The following ZDHHC2 variants were observed in gnomAD, a reference collection of about 807,000 sequenced individuals.
ZDHHC2 encodes palmitoyltransferase ZDHHC2.
A neutral mutation model predicts 55.6 loss-of-function variants in ZDHHC2; 51 were observed. The observed-to-expected ratio is 0.92, with a 90% CI of 0.73 to 1.16. The LOEUF is 1.16. Among genes scored for constraint, ZDHHC2 ranks in the 50% most tolerant of loss-of-function variants. ZDHHC2 has a pLI of 0.00. For synonymous variants in ZDHHC2, 199 were observed against 152.9 expected (o/e 1.30, Z -2.22); for missense variants, 491 against 442.4 (o/e 1.11, Z -0.99).
intron 3 of ZDHHC2, among the ~76,000 whole-genome samples, chr8:17,189,762 C>T (rs1321759250): frequency 1.3e-5 from 2 of 152,172 alleles, no homozygotes; most frequent in Non-Finnish European, 2.9e-5. Context: ...AAGGAGCAGT[C>T]AAATCGATGA....
In ZDHHC2 at chr8:17,210,458, G is replaced by T; in HGVS notation, c.928G>T (p.Gly310Trp). 1.2e-6 allele frequency: 2 copies of T among 1,610,668 alleles called. No individual in the cohort carries two copies. Among genetic ancestry groups the T allele is most frequent in the Non-Finnish European group, 1.7e-6 (2 of 1,178,568 alleles). Residue 310 changes from glycine (G) to tryptophan (W), a missense_variant, in exon 10 of 13, where the codon GGG becomes TGG. Gly to Trp is a radical substitution (Grantham distance 184). Coordinates refer to ENST00000262096, the MANE Select transcript of ZDHHC2 (RefSeq NM_016353.5). ...TCCTGAACAAGCATCTACTCCTGCAGGGCTGAATTCCACAGCTAAAAAGTA... is the reference window on the plus strand; with the variant it reads ...TCCTGAACAAGCATCTACTCCTGCATGGCTGAATTCCACAGCTAAAAAGTA... ...QDPEQASTPAGLNSTAKNLEN... is the reference protein window; with the variant it reads ...QDPEQASTPAWLNSTAKNLEN...
intron 6 of ZDHHC2, among the ~76,000 whole-genome samples, chr8:17,203,730 C>T (rs1215752592): frequency 6.6e-6 from 1 of 152,120 alleles, no homozygotes; most frequent in Non-Finnish European, 1.5e-5. Flanking sequence ...GGCTTGCATC[C>T]CCCCACTGGA....
chr8:17,209,836 C>G (rs1243304803), intron 8 of ZDHHC2, 96 bp from the exon 9 acceptor site: 1 of 1,384,898 alleles, frequency 7.2e-7, no homozygotes, highest in Admixed American at 3.0e-5. Context: ...CATTGATTTT[C>G]AGAGTTTCTT....
At chr8:17,202,294 C>G (rs1806826962) in intron 6 of ZDHHC2, among the ~76,000 whole-genome samples, 1 of 99,224 alleles carries the variant, frequency 1.0e-5, no homozygotes, top group Admixed American at 9.9e-5. Context: ...GATCTTGGCT[C>G]ACTACAACCT....
chr8:17,195,422 C>T (rs542834380), intron 3 of ZDHHC2, 82 bp from the exon 4 acceptor site: 3 of 1,437,774 alleles, frequency 2.1e-6, no homozygotes, highest in Admixed American at 2.2e-5. Flanking sequence ...TTTATAAATA[C>T]CCTTTTCCGG....
chr8:17,202,880 C>T (rs1806874108), intron 6 of ZDHHC2, among the ~76,000 whole-genome samples: 1 of 152,018 alleles, frequency 6.6e-6, no homozygotes, highest in Non-Finnish European at 1.5e-5. Context: ...TTACCATCCC[C>T]TCAAGCAAAG....
intron 1 of ZDHHC2, among the ~76,000 whole-genome samples, chr8:17,167,624 C>T (rs981049922): frequency 6.6e-6 from 1 of 152,086 alleles, no homozygotes; most frequent in African/African-American, 2.4e-5. Flanking sequence ...TATGGTTTCA[C>T]ATATAACAAT....
intron 6 of ZDHHC2, among the ~76,000 whole-genome samples, chr8:17,199,170 A>G (rs1468263491): frequency 6.6e-6 from 1 of 152,154 alleles, no homozygotes; most frequent in Non-Finnish European, 1.5e-5. Context: ...GGTGAAATAT[A>G]TGTAGGGAAT....
Position 17,209,197 on chromosome 8 carries a change from C to T in ZDHHC2, c.731-735C>T, listed in dbSNP as rs866936804. On this transcript the variant is annotated intron_variant, in intron 8 of 12. Coordinates refer to ENST00000262096, the MANE Select transcript of ZDHHC2 (RefSeq NM_016353.5). ...AAGTCCCAGAGCCTCTCTGAACCAG[C>T]TTCGATAGGCAGAATGAGCATCACC... Among the ~76,000 whole-genome samples, 7 of 152,128 alleles carry T rather than the reference C, an allele frequency of 4.6e-5. 1 individual carries two copies. The highest frequency in any genetic ancestry group is 1.0e-4 in the Non-Finnish European group (7 of 68,034).
At chr8:17,177,110 A>G (rs575073877) in intron 1 of ZDHHC2, among the ~76,000 whole-genome samples, 12 of 152,346 alleles carry the variant, frequency 7.9e-5, no homozygotes, top group Admixed American at 1.3e-4. Context: ...CCCCTGGCCA[A>G]TTTTGTCAAA....
intron 6 of ZDHHC2, among the ~76,000 whole-genome samples, chr8:17,205,192 G>A (rs756594568): frequency 6.6e-6 from 1 of 152,114 alleles, no homozygotes; most frequent in Non-Finnish European, 1.5e-5. Context: ...TTGACAGTCC[G>A]CTTGCTTCAA....
At chr8:17,199,958 T>C (rs1259085339) in intron 6 of ZDHHC2, among the ~76,000 whole-genome samples, 1 of 151,626 alleles carries the variant, frequency 6.6e-6, no homozygotes, top group Non-Finnish European at 1.5e-5. Flanking sequence ...GGTTTCACCA[T>C]ATTGGCCAGG....
chr8:17,199,502 C>G (rs866174766), intron 6 of ZDHHC2, among the ~76,000 whole-genome samples: 9 of 41,594 alleles, frequency 2.2e-4, no homozygotes, highest in Non-Finnish European at 3.9e-4. Context: ...TCTTCTTCTT[C>G]TTCTTCTTCT....
rs780975112 is a variant in ZDHHC2, at chr8:17,192,938, G to T, written c.253-2566G>T. 2.0e-3 allele frequency among the ~76,000 whole-genome samples: 298 copies of T among 152,154 alleles called. 1 individual carries two copies. Among genetic ancestry groups the T allele is most frequent in the Non-Finnish European group, 2.2e-3 (153 of 68,032 alleles). ...AAAATGAGTTTACTGTAGATGTAAG[G>T]ATTTGTTTCTGGGCTCTCTGTTCTT... is the stretch of plus-strand genomic sequence containing the variant. On this transcript the variant is annotated intron_variant, in intron 3 of 12. Coordinates refer to ENST00000262096, the MANE Select transcript of ZDHHC2 (RefSeq NM_016353.5).
At chr8:17,164,306 G>A (rs996203111) in intron 1 of ZDHHC2, among the ~76,000 whole-genome samples, 39 of 151,992 alleles carry the variant, frequency 2.6e-4, no homozygotes, top group Non-Finnish European at 3.8e-4. Flanking sequence ...TGCATTTCTC[G>A]TCTTAGCACT....
intron 6 of ZDHHC2, 83 bp downstream of exon 6, chr8:17,198,496 A>T: frequency 7.7e-7 from 1 of 1,302,040 alleles, no homozygotes; most frequent in Non-Finnish European, 1.0e-6. Flanking sequence ...AAATCTTTTC[A>T]CACATGAAAT....
chr8:17,204,488 G>A (rs1011588016), intron 6 of ZDHHC2, among the ~76,000 whole-genome samples: 1 of 152,222 alleles, frequency 6.6e-6, no homozygotes, highest in African/African-American at 2.4e-5. Flanking sequence ...AATTCCACAT[G>A]GGTGATGTAT....
chr8:17,210,610 A>G (rs1455489093), intron 10 of ZDHHC2, 130 bp downstream of exon 10: 2 of 704,492 alleles, frequency 2.8e-6, no homozygotes, highest in African/African-American at 3.6e-5. Flanking sequence ...TCCACTTGAA[A>G]TGAGGGAAAA....
chr8:17,203,097 T>C (rs528393133), intron 6 of ZDHHC2, among the ~76,000 whole-genome samples: 1 of 134,994 alleles, frequency 7.4e-6, no homozygotes, highest in African/African-American at 2.7e-5. Context: ...AATTTCACTG[T>C]CACCCAGGCT....
Sources: allele counts gnomAD v4.1 joint callset (sites outside exome capture counted in the v4.1 genomes callset), GRCh38; gene constraint gnomAD v4.1.1; transcripts MANE v1.5; gene names NCBI Gene and HGNC (gene_info 2026-07-23, HGNC 2026-07-21).